The following R3HCC1L variants were observed in gnomAD, a reference collection of about 807,000 sequenced individuals.
R3HCC1L encodes coiled-coil domain-containing protein R3HCC1L.
R3HCC1L carries 51 observed loss-of-function variants against 59.9 expected under a neutral mutation model. The ratio of observed to expected loss-of-function variants is 0.85; its 90% CI spans 0.68 to 1.07. The LOEUF (loss-of-function observed/expected upper bound fraction) is 1.07. Among genes scored for constraint, R3HCC1L ranks in the 50% least tolerant of loss-of-function variants. The pLI, the probability that R3HCC1L is intolerant of heterozygous loss-of-function variation, is 0.00. For missense variants in R3HCC1L, 965 were observed against 933.0 expected (o/e 1.03, Z -0.45); for synonymous variants, 322 against 315.2 (o/e 1.02, Z -0.23).
chr10:98,169,066 T>G (rs1201557107), intron 4 of R3HCC1L, among the ~76,000 whole-genome samples: 1 of 152,212 alleles, frequency 6.6e-6, no homozygotes, highest in Non-Finnish European at 1.5e-5. Context: ...CAGTGAATTA[T>G]TGTCAGCCTT....
At chr10:98,229,442 A>G (rs1166785114) in intron 5 of R3HCC1L, among the ~76,000 whole-genome samples, 3 of 152,032 alleles carry the variant, frequency 2.0e-5, no homozygotes, top group East Asian at 3.9e-4. Context: ...GTATCCTGAG[A>G]TTTGCTGAAG....
chr10:98,203,086 AT>A (rs1190489267), intron 4 of R3HCC1L, among the ~76,000 whole-genome samples: 1 of 152,194 alleles, frequency 6.6e-6, no homozygotes, highest in Non-Finnish European at 1.5e-5. Flanking sequence ...AAATGAAAGT[AT>A]TATATTAGTG....
At chr10:98,243,712 T>C (rs911440837) in intron 9 of R3HCC1L, among the ~76,000 whole-genome samples, 4 of 152,346 alleles carry the variant, frequency 2.6e-5, no homozygotes, top group South Asian at 2.1e-4. Context: ...TTGATACTTA[T>C]TGAAATATTT....
rs140585440 is a variant in R3HCC1L at position 98,209,680 on chromosome 10, A to G, written c.1566A>G (p.Leu522=). The G allele has an allele frequency of 2.0e-5, 33 of 1,614,038 alleles. No homozygotes were observed. The African/African-American group carries it at 3.1e-4, about 15-fold the overall frequency. The change falls in exon 5 of 10, where the codon CTA becomes CTG. Residue 522 remains leucine, a synonymous_variant. Coordinates refer to ENST00000298999, the MANE Select transcript of R3HCC1L (RefSeq NM_001351015.2). ...TGDTTEALHE[L]RTAEEFKTEE... is the part of the protein sequence containing the mutation. ...ATACAACAGAAGCATTGCACGAACT[A>G]AGAACTGCCGAAGAGTTCAAAACAG...
chr10:98,150,864 CA>C (rs1159620655), intron 1 of R3HCC1L, among the ~76,000 whole-genome samples: 1 of 152,174 alleles, frequency 6.6e-6, no homozygotes, highest in Non-Finnish European at 1.5e-5. Context: ...TACATACTCC[CA>C]AAACTGCCTG....
chr10:98,209,804 A>G lies in R3HCC1L; in HGVS notation c.1690A>G (p.Thr564Ala), dbSNP rs1313881869. ...ETSIEPKATE[T>A]SHTEGITAIE... ...ATCCATCGAACCAAAAGCAACTGAA[A>G]CTTCTCACACAGAGGGAATTACTGC... is the stretch of plus-strand genomic sequence containing the variant. Residue 564 changes from threonine (T) to alanine (A), a missense_variant, in exon 5 of 10, where the codon ACT (threonine) becomes GCT (alanine). Physicochemically the swap from Thr to Ala is moderately conservative, Grantham distance 58 (BLOSUM62 0). Transcript: ENST00000298999. 1.2e-6 allele frequency: 2 copies of G among 1,613,874 alleles called. No individual in the cohort carries two copies. Among genetic ancestry groups the G allele is most frequent in the South Asian group, 2.2e-5 (2 of 91,048 alleles).
intron 6 of R3HCC1L, 24 bp from the exon 7 acceptor site, chr10:98,234,422 T>C (rs1403150633): frequency 6.2e-6 from 10 of 1,601,240 alleles, no homozygotes; most frequent in Non-Finnish European, 7.7e-6. Context: ...TTTTAGGAAA[T>C]AAAATTGTTT....
In R3HCC1L at chr10:98,191,915, C is replaced by T. The variant is rs191924815; in HGVS notation, c.-14-16186C>T. Among the ~76,000 whole-genome samples, 612 of 152,240 alleles carry T rather than the reference C, an allele frequency of 4.0e-3. 6 individuals carry two copies. Among genetic ancestry groups the T allele is most frequent in the Admixed American group, 0.026 (398 of 15,290 alleles). On this transcript the variant is annotated intron_variant, in intron 4 of 9. Transcript: ENST00000298999. ...TCTCGGCTCACTGTAACCTCTGCCT[C>T]GCGGGTTCAAGCAATTCTTCTACTT...
chr10:98,228,291 G>T (rs984537440), intron 5 of R3HCC1L, among the ~76,000 whole-genome samples: 2 of 152,138 alleles, frequency 1.3e-5, no homozygotes, highest in African/African-American at 4.8e-5. Context: ...GGTGTGAGAT[G>T]GTATCTCATT....
chr10:98,172,103 G>T (rs529007307), intron 4 of R3HCC1L, among the ~76,000 whole-genome samples: 2 of 151,934 alleles, frequency 1.3e-5, no homozygotes, highest in African/African-American at 4.8e-5. Context: ...GTATGTCTAA[G>T]GCTCTACACA....
chr10:98,231,595 C>T lies in R3HCC1L; in HGVS notation c.1869C>T (p.Leu623=). The T allele has an allele frequency of 6.2e-7, 1 of 1,612,396 alleles. No individual in the cohort carries two copies. The highest frequency in any genetic ancestry group is 8.5e-7 in the Non-Finnish European group (1 of 1,178,618). ...ATCATGAAGTTCCTGATATTGACCT[C>T]AGTGATTGTGAATTCCCACATGTCA... ...YYNHEVPDID[L]SDCEFPHVIE... Residue 623 remains leucine, a synonymous_variant, in exon 6 of 10, where the codon CTC becomes CTT. Transcript: ENST00000298999.
At chr10:98,161,979 G>T (rs1382511538) in intron 2 of R3HCC1L, among the ~76,000 whole-genome samples, 2 of 152,230 alleles carry the variant, frequency 1.3e-5, no homozygotes, top group African/African-American at 4.8e-5. Flanking sequence ...TTTTAATGCT[G>T]TTGTTTTGTG....
chr10:98,204,748 C>T (rs1023271), intron 4 of R3HCC1L, among the ~76,000 whole-genome samples: 145,654 of 152,216 alleles, frequency 0.96, 69,994 homozygotes, highest in East Asian at 1. Flanking sequence ...TATTACGTAT[C>T]GTTATACTTG....
At chr10:98,136,688 T>G (rs976817334) in intron 1 of R3HCC1L, among the ~76,000 whole-genome samples, 1 of 151,520 alleles carries the variant, frequency 6.6e-6, no homozygotes, top group African/African-American at 2.4e-5. Context: ...GTACAAAAAA[T>G]TAACCAGGTG....
Position 98,208,797 on chromosome 10 carries a change from T to C in R3HCC1L, c.683T>C (p.Met228Thr), listed in dbSNP as rs1353754970. 3.7e-6 allele frequency: 6 copies of C among 1,613,956 alleles called. No individual in the cohort carries two copies. Among genetic ancestry groups the C allele is most frequent in the African/African-American group, 1.3e-5 (1 of 74,912 alleles). ...YEFPRVFSSV[M>T]KPENMIVPIK... is the part of the protein sequence containing the mutation. ...TTTCCTAGAGTTTTTAGTTCTGTCATGAAACCTGAGAATATGATTGTACCA... is the reference window on the plus strand; with the variant it reads ...TTTCCTAGAGTTTTTAGTTCTGTCACGAAACCTGAGAATATGATTGTACCA... Residue 228 changes from methionine (M) to threonine (T), a missense_variant, in exon 5 of 10, where the codon ATG (methionine) becomes ACG (threonine). Met to Thr is a moderately conservative substitution (Grantham distance 81). Transcript: ENST00000298999.
intron 5 of R3HCC1L, among the ~76,000 whole-genome samples, chr10:98,226,297 A>C (rs1564726430): frequency 6.6e-6 from 1 of 152,238 alleles, no homozygotes; most frequent in Non-Finnish European, 1.5e-5. Context: ...GCAGAAAATG[A>C]AGAAAACAAT....
intron 9 of R3HCC1L, among the ~76,000 whole-genome samples, 180 bp from the exon 10 acceptor site, chr10:98,243,911 A>G (rs1344653822): frequency 6.6e-6 from 1 of 152,238 alleles, no homozygotes; most frequent in Admixed American, 6.5e-5. Flanking sequence ...GACTTACAGT[A>G]GTATCATTTT....
intron 1 of R3HCC1L, among the ~76,000 whole-genome samples, chr10:98,136,089 A>G (rs952502876): frequency 2.0e-5 from 3 of 151,700 alleles, no homozygotes; most frequent in Non-Finnish European, 4.4e-5. Context: ...CTGGGCTCAA[A>G]TGATCCTCCC....
At chr10:98,139,429 T>A (rs897982904) in intron 1 of R3HCC1L, among the ~76,000 whole-genome samples, 2 of 152,246 alleles carry the variant, frequency 1.3e-5, no homozygotes, top group African/African-American at 4.8e-5. Flanking sequence ...TGTTGTAGAC[T>A]TCTCACCTAT....
Sources: allele counts gnomAD v4.1 joint callset (sites outside exome capture counted in the v4.1 genomes callset), GRCh38; gene constraint gnomAD v4.1.1; transcripts MANE v1.5; gene names NCBI Gene and HGNC (gene_info 2026-07-23, HGNC 2026-07-21).